The following PRDM10 variants were observed in gnomAD, a reference collection of about 807,000 sequenced individuals.
PRDM10 encodes PR/SET domain 10.
PRDM10 carries 65 observed loss-of-function variants against 133.1 expected under a neutral mutation model. The observed-to-expected ratio is 0.49, with a 90% CI of 0.40 to 0.60. PRDM10 has a LOEUF of 0.60. Among genes scored for constraint, PRDM10 ranks in the 20% least tolerant of loss-of-function variants. The probability of loss-of-function intolerance (pLI) is 0.00; values close to 1 mark genes in which losing one functional copy is unlikely to be tolerated. For synonymous variants in PRDM10, 582 were observed against 580.4 expected (o/e 1.00, Z -0.04); for missense variants, 1,137 against 1,507.1 (o/e 0.75, Z 4.07).
Position 129,966,199 on chromosome 11 carries a change from G to A in PRDM10, c.-118-5117C>T, listed in dbSNP as rs559988300. On this transcript the variant is annotated intron_variant, in intron 1 of 20. Coordinates refer to ENST00000360871, the MANE Select transcript of PRDM10 (RefSeq NM_199437.2). Reference sequence around the variant, plus strand: ...GTGAATGTTGCAGTGAGCCAAGATCGAGTCACTGCACTCCAGCCTAGGCAA... The same window carrying A: ...GTGAATGTTGCAGTGAGCCAAGATCAAGTCACTGCACTCCAGCCTAGGCAA... Among the ~76,000 whole-genome samples, 8 of 152,204 alleles carry A rather than the reference G, an allele frequency of 5.3e-5. No homozygotes were observed. The East Asian group carries it at 9.6e-4, about 18-fold the overall frequency.
chr11:129,992,514 T>G (rs1337587102), intron 1 of PRDM10, among the ~76,000 whole-genome samples: 1 of 152,230 alleles, frequency 6.6e-6, no homozygotes, highest in Non-Finnish European at 1.5e-5. Flanking sequence ...CTAGGCAAAG[T>G]GGCCAGGACC....
intron 7 of PRDM10, 150 bp from the exon 8 acceptor site, chr11:129,937,820 T>C: frequency 1.7e-6 from 1 of 605,908 alleles, no homozygotes; most frequent in Middle Eastern, 2.6e-4. Context: ...GAGCTCCCCT[T>C]GCAATACCTT....
rs1489393442 is a variant in PRDM10, at chr11:129,932,192, G to A, written c.1197C>T (p.Phe399=). The A allele has an allele frequency of 1.9e-6, 3 of 1,614,066 alleles. No individual in the cohort carries two copies. Among genetic ancestry groups the A allele is most frequent in the South Asian group, 1.1e-5 (1 of 91,060 alleles). Residue 399 remains phenylalanine, a synonymous_variant, in exon 10 of 21, where the codon TTC becomes TTT. Transcript: ENST00000360871. The part of the protein sequence containing the change: ...GRGRGRGKRR[F]GPGRRPGRPP... ...GACGCCCCGGCCGTCGACCTGGACC[G>A]AATCGCCTCTTGCCTCGTCCCCTTC...
Position 129,944,540 on chromosome 11 carries a change from G to C in PRDM10, c.762+231C>G, listed in dbSNP as rs112390507. ...GCGGAGCTTGCAGTGAGCCGAGATC[G>C]CGCCACTGCACTCCAGCCTGGGCGA... is the stretch of plus-strand genomic sequence containing the variant. On this transcript the variant is annotated intron_variant, in intron 6 of 20. Transcript: ENST00000360871. Among the ~76,000 whole-genome samples the C allele has an allele frequency of 7.4e-3, 1,105 of 149,282 alleles. 13 individuals are homozygous for C. The highest frequency in any genetic ancestry group is 0.026 in the African/African-American group (1,038 of 39,800).
rs1276357434 is a variant in PRDM10 at position 129,923,687 on chromosome 11, AGAGAGAGT to A, written c.1879-292_1879-285del. On this transcript the variant is annotated intron_variant, in intron 12 of 20. Coordinates refer to ENST00000360871, the MANE Select transcript of PRDM10 (RefSeq NM_199437.2). This position sits in a 1 kb window ranked among gnomAD's most constrained non-coding sequence, Gnocchi z 4.4. ...GAGAGAGAGAGAGAGAGAGAGAGAG[AGAGAGAGT>A]GCTTGCTTGGTCAAAGCCCTGATCA... is the stretch of plus-strand genomic sequence containing the variant. 4.7e-4 allele frequency among the ~76,000 whole-genome samples: 69 copies of A among 145,298 alleles called. 3 individuals are homozygous for A. The highest frequency in any genetic ancestry group is 1.5e-3 in the African/African-American group (56 of 37,834).
intron 1 of PRDM10, among the ~76,000 whole-genome samples, chr11:130,000,674 G>C (rs945002602): frequency 1.3e-5 from 2 of 152,172 alleles, no homozygotes; most frequent in Admixed American, 6.5e-5. Context: ...CAGCATAGCA[G>C]AGTGGGAGCT....
chr11:129,962,298 G>C (rs1486863786), intron 1 of PRDM10, among the ~76,000 whole-genome samples: 1 of 152,172 alleles, frequency 6.6e-6, no homozygotes, highest in African/African-American at 2.4e-5. Flanking sequence ...CAGCCACAAT[G>C]CCAGAATAAA....
At position 129,927,284 on chromosome 11, in the gene PRDM10, C is replaced by CT. The variant is rs555868035; in HGVS notation, c.1531-2056dup. Among the ~76,000 whole-genome samples the CT allele has an allele frequency of 1.1e-4, 16 of 146,408 alleles. No individual in the cohort carries two copies. In the South Asian group the frequency reaches 3.7e-3, roughly 34 times the overall value. ...CTGTGTAGTTCAGTAGCCACCTCAT[C>CT]TTTTTAACTCTGTCTGGATACTAAT... On this transcript the variant is annotated intron_variant, in intron 11 of 20. Coordinates refer to ENST00000360871, the MANE Select transcript of PRDM10 (RefSeq NM_199437.2).
rs1950311822 is a variant in PRDM10 at position 129,915,011 on chromosome 11, A to G, written c.2534T>C (p.Met845Thr). The G allele has an allele frequency of 1.9e-6, 3 of 1,577,604 alleles. No individual in the cohort carries two copies. Among genetic ancestry groups the G allele is most frequent in the Non-Finnish European group, 2.6e-6 (3 of 1,156,540 alleles). The change falls in exon 17 of 21, where the codon ATG becomes ACG. Residue 845 changes from methionine (M) to threonine (T), a missense_variant. By Grantham distance (81) the Met-to-Thr change is moderately conservative. Transcript: ENST00000360871. ...ATGCTTCTTTCGAATGTGCTGGACC[A>G]TCTTGGTCTGAAAAAGCAAGGCAAA... The part of the protein sequence containing the change: ...CSKQYSSKTK[M>T]VQHIRKKHPE...
intron 7 of PRDM10, among the ~76,000 whole-genome samples, chr11:129,937,892 A>G (rs187835691): frequency 3.3e-5 from 5 of 152,370 alleles, no homozygotes; most frequent in Admixed American, 2.6e-4. Context: ...TTTTTCAGAA[A>G]ATGGTTTCTG....
chr11:129,925,128 G>C lies in PRDM10; in HGVS notation c.1632C>G (p.His544Gln). The C allele has an allele frequency of 6.2e-7, 1 of 1,614,210 alleles. No homozygotes were observed. The highest frequency in any genetic ancestry group is 8.5e-7 in the Non-Finnish European group (1 of 1,180,030). ...AFREKDKLDQ[H>Q]LRFHGREGNC... ...TCCCCTCCCGCCCATGGAAGCGTAA[G>C]TGCTGGTCCAGTTTGTCCTTTTCCC... The change falls in exon 12 of 21, where the codon CAC becomes CAG. Residue 544 changes from histidine (H) to glutamine (Q), a missense_variant. Transcript: ENST00000360871.
At chr11:129,915,620 G>A (rs373238341) in intron 16 of PRDM10, 40 bp downstream of exon 16, 12 of 1,523,786 alleles carry the variant, frequency 7.9e-6, no homozygotes. Flanking sequence ...TTCCTCGCAT[G>A]GCGGTTTTGA....
intron 1 of PRDM10, among the ~76,000 whole-genome samples, chr11:129,973,155 C>T (rs1937609196): frequency 6.6e-6 from 1 of 152,048 alleles, no homozygotes; most frequent in African/African-American, 2.4e-5. Flanking sequence ...GAATAACAAC[C>T]ACATATCAAA....
intron 15 of PRDM10, 55 bp from the exon 16 acceptor site, chr11:129,915,915 T>G (rs913899083): frequency 3.4e-6 from 5 of 1,482,638 alleles, no homozygotes; most frequent in Non-Finnish European, 4.5e-6. Context: ...CTTTCTTGCT[T>G]AAAGCAAACT....
intron 1 of PRDM10, among the ~76,000 whole-genome samples, chr11:129,997,479 C>T (rs181444746): frequency 1.1e-4 from 17 of 148,900 alleles, no homozygotes; most frequent in African/African-American, 3.3e-4. Flanking sequence ...GGGCCTTTCT[C>T]AAAAAACAGA....
intron 1 of PRDM10, 108 bp from the exon 2 acceptor site, chr11:129,961,190 C>T (rs540423382): frequency 2.4e-5 from 11 of 465,244 alleles, no homozygotes; most frequent in South Asian, 9.4e-5. Flanking sequence ...AAAAGCAACA[C>T]GCCTGGGCAA....
chr11:129,960,630 G>C (rs1188958629), intron 2 of PRDM10, among the ~76,000 whole-genome samples: 1 of 152,146 alleles, frequency 6.6e-6, no homozygotes, highest in African/African-American at 2.4e-5. Flanking sequence ...CATAAATAAA[G>C]CGGGGTAGTA....
At chr11:129,995,241 T>C (rs775547467) in intron 1 of PRDM10, among the ~76,000 whole-genome samples, 2 of 152,200 alleles carry the variant, frequency 1.3e-5, no homozygotes, top group Non-Finnish European at 2.9e-5. Context: ...GATGAATACA[T>C]GATGGAAGAG....
chr11:129,955,428 T>C (rs1202868822), intron 4 of PRDM10, 84 bp downstream of exon 4: 10 of 1,290,560 alleles, frequency 7.7e-6, no homozygotes, highest in Non-Finnish European at 1.1e-5. Context: ...CATCCAGAGA[T>C]GGTGCAGTGC....
Sources: allele counts gnomAD v4.1 joint callset (sites outside exome capture counted in the v4.1 genomes callset), GRCh38; gene constraint gnomAD v4.1.1; non-coding constraint Gnocchi (gnomAD v3.1); transcripts MANE v1.5; gene names NCBI Gene and HGNC (gene_info 2026-07-23, HGNC 2026-07-21).